Variants in ESRRG observed in about 807,000 individuals in gnomAD.
ESRRG encodes the protein estrogen related receptor gamma.
A neutral mutation model predicts 44.0 loss-of-function variants in ESRRG; 13 were observed. That is an observed-to-expected ratio of 0.30 (90% confidence interval 0.19 to 0.47). The LOEUF is 0.47. ESRRG is among the 20% of genes least tolerant of loss of function. The pLI, the probability that ESRRG is intolerant of heterozygous loss-of-function variation, is 1.00. For synonymous variants in ESRRG, 215 were observed against 214.6 expected (o/e 1.00, Z -0.02); for missense variants, 395 against 580.6 (o/e 0.68, Z 3.29).
At chr1:216,610,081 T>C (rs1051433843) in intron 3 of ESRRG, among the ~76,000 whole-genome samples, 4 of 152,184 alleles carry the variant, frequency 2.6e-5, no homozygotes, top group African/African-American at 4.8e-5. Flanking sequence ...GAGTGTACCA[T>C]AGCAGGTGTG....
rs149251592 is a variant in ESRRG, at chr1:216,631,612, C to T, written c.589+19361G>A. ...GTGTGTTCAGTGTTAATGCAAAAAA[C>T]CTAATTTAGGTCTTTCCTCAAAAGG... On this transcript the variant is annotated intron_variant, in intron 3 of 6. Transcript: ENST00000408911. 2.6e-3 allele frequency among the ~76,000 whole-genome samples: 401 copies of T among 152,148 alleles called. 3 individuals are homozygous for T. The highest frequency in any genetic ancestry group is 9.3e-3 in the African/African-American group (385 of 41,504).
chr1:216,532,892 G>C (rs1364423979), intron 5 of ESRRG, among the ~76,000 whole-genome samples: 1 of 152,078 alleles, frequency 6.6e-6, no homozygotes, highest in Non-Finnish European at 1.5e-5. Flanking sequence ...AACGAGGTTG[G>C]GGGTTTTCTT....
At chr1:216,857,852 C>A (rs964524506) in intron 2 of ESRRG, among the ~76,000 whole-genome samples, 1 of 151,866 alleles carries the variant, frequency 6.6e-6, no homozygotes, top group African/African-American at 2.4e-5. Context: ...TATAAACATA[C>A]CCACATAAAA....
At chr1:216,554,852 G>T (rs893828725) in intron 5 of ESRRG, among the ~76,000 whole-genome samples, 18 of 152,258 alleles carry the variant, frequency 1.2e-4, no homozygotes, top group African/African-American at 4.3e-4. Context: ...AGAGGGAAAT[G>T]AACAGCAAAG....
intron 2 of ESRRG, among the ~76,000 whole-genome samples, chr1:216,927,616 T>A (rs2062768729): frequency 6.6e-6 from 1 of 152,248 alleles, no homozygotes; most frequent in African/African-American, 2.4e-5. Context: ...AGTGACTTGC[T>A]CTGCCTTTAG....
chr1:216,737,812 A>C (rs946476), intron 2 of ESRRG, among the ~76,000 whole-genome samples: 83,405 of 151,050 alleles, frequency 0.55, 23,627 homozygotes, highest in East Asian at 0.73. Flanking sequence ...CTGCTTACTC[A>C]GTAAGATTGT....
chr1:217,031,884 A>G (rs2082119919), intron 1 of ESRRG, among the ~76,000 whole-genome samples: 1 of 152,286 alleles, frequency 6.6e-6, no homozygotes, highest in African/African-American at 2.4e-5. Context: ...GAAGCCCCCC[A>G]AGCCCTGTGG....
chr1:216,798,601 G>A (rs1166584396), intron 2 of ESRRG, among the ~76,000 whole-genome samples: 1 of 152,172 alleles, frequency 6.6e-6, no homozygotes, highest in Non-Finnish European at 1.5e-5. Flanking sequence ...TAGAAGGGAA[G>A]AATCTATATA....
At chr1:216,900,852 T>C (rs2058985242) in intron 2 of ESRRG, among the ~76,000 whole-genome samples, 1 of 152,204 alleles carries the variant, frequency 6.6e-6, no homozygotes, top group African/African-American at 2.4e-5. Context: ...TATCCAGTTC[T>C]CGTGAATCTC....
At position 216,723,371 on chromosome 1, in the gene ESRRG, T is replaced by A; in HGVS notation, c.-72A>T. The stretch of plus-strand genomic sequence containing the variant: ...TTTCCTTGACAGAGCACAGTGCAAT[T>A]AACACAAATGTTCTCCTAGTGACAA... On this transcript the variant is annotated 5_prime_UTR_variant, in exon 1 of 7. Transcript: ENST00000408911. The A allele has an allele frequency of 7.0e-7, 1 of 1,422,988 alleles. No homozygotes were observed. Among genetic ancestry groups the A allele is most frequent in the Non-Finnish European group, 9.9e-7 (1 of 1,007,090 alleles). The allele number at this position is 1,422,988 out of a possible 1,614,324, so 88.1% of individuals were successfully genotyped here.
At chr1:216,628,225 A>T (rs2063518976) in intron 3 of ESRRG, among the ~76,000 whole-genome samples, 1 of 152,190 alleles carries the variant, frequency 6.6e-6, no homozygotes, top group South Asian at 2.1e-4. Context: ...TGAACCTGAT[A>T]GGATCCAATC....
intron 6 of ESRRG, among the ~76,000 whole-genome samples, chr1:216,517,423 C>T (rs2044670611): frequency 6.6e-6 from 1 of 152,084 alleles, no homozygotes; most frequent in Non-Finnish European, 1.5e-5. Context: ...AGTACACATC[C>T]AATATCTAAA....
intron 2 of ESRRG, among the ~76,000 whole-genome samples, chr1:216,805,965 A>C (rs2094779952): frequency 6.6e-6 from 1 of 152,162 alleles, no homozygotes; most frequent in South Asian, 2.1e-4. Flanking sequence ...GTTAGCTGGG[A>C]AACAGCATTT....
chr1:216,542,112 T>A (rs987990429), intron 5 of ESRRG, among the ~76,000 whole-genome samples: 2 of 116,764 alleles, frequency 1.7e-5, no homozygotes, highest in Admixed American at 8.3e-5. Flanking sequence ...GAGAGAGAGA[T>A]AGAATGTTTT....
chr1:216,615,225 C>T (rs1574139832), intron 3 of ESRRG, among the ~76,000 whole-genome samples: 1 of 152,146 alleles, frequency 6.6e-6, no homozygotes, highest in African/African-American at 2.4e-5. Context: ...TGACCACAAA[C>T]CTTTAGGCAG....
At chr1:216,750,964 T>C (rs2091951897) in intron 2 of ESRRG, among the ~76,000 whole-genome samples, 1 of 152,166 alleles carries the variant, frequency 6.6e-6, no homozygotes, top group African/African-American at 2.4e-5. Flanking sequence ...TATCATTTTA[T>C]ACTGAATGGT....
At chr1:216,995,546 C>A (rs147505394) in intron 1 of ESRRG, among the ~76,000 whole-genome samples, 3 of 152,152 alleles carry the variant, frequency 2.0e-5, no homozygotes, top group Non-Finnish European at 2.9e-5. Flanking sequence ...CACTTTCTAC[C>A]GCTTCCCTAG....
chr1:217,090,983 C>G (rs377298148), upstream of ESRRG, among the ~76,000 whole-genome samples: 2 of 152,138 alleles, frequency 1.3e-5, no homozygotes, highest in East Asian at 3.9e-4. Context: ...GCACAGATTA[C>G]TTCTTTTTCT....
intron 1 of ESRRG, among the ~76,000 whole-genome samples, chr1:216,701,202 A>C (rs2081327697): frequency 6.6e-6 from 1 of 152,194 alleles, no homozygotes; most frequent in Non-Finnish European, 1.5e-5. Flanking sequence ...CTATTTTATG[A>C]AATCGCTAGA....
Sources: allele counts gnomAD v4.1 joint callset (sites outside exome capture counted in the v4.1 genomes callset), GRCh38; gene constraint gnomAD v4.1.1; transcripts MANE v1.5; gene names NCBI Gene and HGNC (gene_info 2026-07-23, HGNC 2026-07-21).